Variants in NLGN1 observed in about 807,000 individuals in gnomAD.
NLGN1 encodes neuroligin-1.
In NLGN1, 12 loss-of-function variants were observed where a neutral mutation model predicts 65.5. The observed-to-expected ratio is 0.18, with a 90% CI of 0.12 to 0.30. The LOEUF (loss-of-function observed/expected upper bound fraction) is 0.30. NLGN1 is among the 10% of genes least tolerant of loss of function. The pLI, the probability that NLGN1 is intolerant of heterozygous loss-of-function variation, is 1.00. For missense variants in NLGN1, 750 were observed against 1,007.1 expected (o/e 0.74, Z 3.46); for synonymous variants, 350 against 359.5 (o/e 0.97, Z 0.30).
intron 4 of NLGN1, among the ~76,000 whole-genome samples, chr3:174,045,512 A>G (rs1365523026): frequency 1.3e-5 from 2 of 152,094 alleles, no homozygotes; most frequent in Non-Finnish European, 2.9e-5. Context: ...TCAGATTACA[A>G]TCCAAGATGA....
chr3:173,878,425 G>A (rs1732562500), intron 4 of NLGN1, among the ~76,000 whole-genome samples: 1 of 151,914 alleles, frequency 6.6e-6, no homozygotes. Flanking sequence ...CTATAAAAAT[G>A]TTCTGCATTA....
At chr3:173,993,627 A>G (rs1405774452) in intron 4 of NLGN1, among the ~76,000 whole-genome samples, 1 of 147,288 alleles carries the variant, frequency 6.8e-6, no homozygotes, top group African/African-American at 2.5e-5. Context: ...TCAAAACAGA[A>G]TATAGATAGA....
At chr3:174,242,235 G>A (rs1188919343) in intron 4 of NLGN1, among the ~76,000 whole-genome samples, 4 of 151,786 alleles carry the variant, frequency 2.6e-5, no homozygotes, top group Non-Finnish European at 5.9e-5. Context: ...CCATAAATCA[G>A]GGGTCCCCAT....
chr3:173,947,845 G>T (rs1747482322), intron 4 of NLGN1, among the ~76,000 whole-genome samples: 1 of 152,272 alleles, frequency 6.6e-6, no homozygotes, highest in East Asian at 1.9e-4. Flanking sequence ...ATTAAGTATA[G>T]AGTTAAGCAA....
intron 4 of NLGN1, among the ~76,000 whole-genome samples, chr3:174,170,394 C>G (rs1422817266): frequency 6.6e-6 from 1 of 152,170 alleles, no homozygotes; most frequent in Admixed American, 6.5e-5. Context: ...CAGGGCCCAG[C>G]AGCACATGGA....
intron 3 of NLGN1, among the ~76,000 whole-genome samples, chr3:173,686,524 T>G (rs576453107): frequency 3.6e-4 from 55 of 152,220 alleles, no homozygotes; most frequent in African/African-American, 1.3e-3. Context: ...TCTGAGGATT[T>G]TTAAGGGTGG....
upstream of NLGN1, among the ~76,000 whole-genome samples, chr3:173,398,273 G>A (rs1388367554): frequency 1.3e-5 from 2 of 152,172 alleles, no homozygotes; most frequent in Non-Finnish European, 2.9e-5. Flanking sequence ...TAGTTTGACA[G>A]GGATAAGAAA....
At chr3:173,967,718 T>G (rs1038830) in intron 4 of NLGN1, among the ~76,000 whole-genome samples, 2,530 of 152,306 alleles carry the variant, frequency 0.017, 76 homozygotes, top group African/African-American at 0.056. Context: ...TTCTGCTTTA[T>G]TCTGTCTCTG....
intron 4 of NLGN1, among the ~76,000 whole-genome samples, chr3:173,994,791 T>C (rs1721927217): frequency 6.6e-6 from 1 of 152,210 alleles, no homozygotes; most frequent in African/African-American, 2.4e-5. Flanking sequence ...TGGAACACCA[T>C]GAGCATTTTA....
intron 4 of NLGN1, among the ~76,000 whole-genome samples, chr3:173,863,214 A>G (rs978840199): frequency 3.3e-5 from 5 of 152,006 alleles, no homozygotes; most frequent in Non-Finnish European, 5.9e-5. Context: ...TTAAAAAGCT[A>G]TAAAAAATTA....
At chr3:173,560,750 A>G (rs1266088907) in intron 2 of NLGN1, among the ~76,000 whole-genome samples, 1 of 152,192 alleles carries the variant, frequency 6.6e-6, no homozygotes, top group African/African-American at 2.4e-5. Flanking sequence ...GTAAAAATCT[A>G]TGAAAGCACC....
intron 2 of NLGN1, among the ~76,000 whole-genome samples, chr3:173,451,725 G>T (rs1197267316): frequency 1.3e-5 from 2 of 152,200 alleles, no homozygotes; most frequent in African/African-American, 4.8e-5. Context: ...GAGCTTCCTG[G>T]CCACTCTGTT....
chr3:173,812,797 T>TTA (rs574886541), intron 4 of NLGN1, among the ~76,000 whole-genome samples: 3,901 of 145,460 alleles, frequency 0.027, 101 homozygotes, highest in African/African-American at 0.072. Flanking sequence ...ATATGTATTT[T>TTA]TATATATATA....
chr3:174,177,335 C>T (rs1729638214), intron 4 of NLGN1, among the ~76,000 whole-genome samples: 1 of 151,844 alleles, frequency 6.6e-6, no homozygotes, highest in African/African-American at 2.4e-5. Flanking sequence ...ATTTCATGAG[C>T]TTTGAAAAGC....
intron 4 of NLGN1, among the ~76,000 whole-genome samples, chr3:173,927,453 C>T (rs1303103139): frequency 6.6e-6 from 1 of 152,090 alleles, no homozygotes; most frequent in African/African-American, 2.4e-5. Flanking sequence ...CCCCTTCTAA[C>T]TCAGTCATGA....
intron 2 of NLGN1, among the ~76,000 whole-genome samples, chr3:173,569,932 C>A (rs1012248474): frequency 6.6e-6 from 1 of 152,172 alleles, no homozygotes; most frequent in Non-Finnish European, 1.5e-5. Context: ...TCTTCTTCTA[C>A]AAATTCTGAT....
At chr3:174,093,405 G>C (rs1422654013) in intron 4 of NLGN1, among the ~76,000 whole-genome samples, 1 of 152,190 alleles carries the variant, frequency 6.6e-6, no homozygotes, top group Non-Finnish European at 1.5e-5. Context: ...ACAGCTTCGA[G>C]CTAAGCAGCT....
At chr3:173,562,541 T>C (rs374550660) in intron 2 of NLGN1, among the ~76,000 whole-genome samples, 167 of 151,832 alleles carry the variant, frequency 1.1e-3, no homozygotes, top group African/African-American at 3.8e-3. Context: ...CACTCCAGCC[T>C]GGTGACAGAG....
intron 2 of NLGN1, among the ~76,000 whole-genome samples, chr3:173,450,024 A>G (rs980460808): frequency 6.6e-6 from 1 of 152,182 alleles, no homozygotes. Context: ...CCAATTTGCC[A>G]GTCTGTGCCT....
Sources: gnomAD v4.1 joint callset for allele counts (sites outside exome capture counted in the v4.1 genomes callset) on GRCh38, gnomAD v4.1.1 for gene constraint, MANE v1.5 for transcripts, NCBI Gene and HGNC (gene_info 2026-07-23, HGNC 2026-07-21) for gene names.